ZBTB20: variants seen among roughly 807,000 people sequenced by gnomAD.
ZBTB20 encodes the protein zinc finger and BTB domain containing 20.
ZBTB20 carries 9 observed loss-of-function variants against 56.9 expected under a neutral mutation model. That is an observed-to-expected ratio of 0.16 (90% CI 0.10 to 0.28). The LOEUF (loss-of-function observed/expected upper bound fraction) is 0.28. ZBTB20 is among the 10% of genes least tolerant of loss of function. The pLI, the probability that ZBTB20 is intolerant of heterozygous loss-of-function variation, is 1.00. For missense variants in ZBTB20, 655 were observed against 1,003.0 expected, an observed-to-expected ratio of 0.65 and a Z score of 4.69; for synonymous variants, 417 against 420.7, an observed-to-expected ratio of 0.99 and a Z score of 0.11.
At chr3:114,890,013 T>C (rs1225382168) in intron 4 of ZBTB20, among the ~76,000 whole-genome samples, 2 of 152,160 alleles carry the variant, frequency 1.3e-5, no homozygotes, top group Non-Finnish European at 2.9e-5. Flanking sequence ...AAACTGAGCG[T>C]AAAAGCACAC....
At chr3:114,492,748 A>G in intron 7 of ZBTB20, among the ~76,000 whole-genome samples, 1 of 152,246 alleles carries the variant, frequency 6.6e-6, no homozygotes, top group East Asian at 1.9e-4. Context: ...AAGAGATAAT[A>G]CAGAGAGATT....
chr3:114,907,264 A>C (rs2075356308), intron 3 of ZBTB20, among the ~76,000 whole-genome samples: 1 of 151,876 alleles, frequency 6.6e-6, no homozygotes, highest in African/African-American at 2.4e-5. Context: ...AGTGGCTACC[A>C]ACCCTGCAAG....
chr3:115,123,500 G>C (rs1415325228), intron 1 of ZBTB20, among the ~76,000 whole-genome samples: 1 of 152,154 alleles, frequency 6.6e-6, no homozygotes, highest in Non-Finnish European at 1.5e-5. Context: ...CTGTCAAAAA[G>C]TGTTTCTTTA....
chr3:114,551,727 T>C (rs2050604140), intron 6 of ZBTB20, among the ~76,000 whole-genome samples: 1 of 152,214 alleles, frequency 6.6e-6, no homozygotes, highest in African/African-American at 2.4e-5. Context: ...TTATCATATG[T>C]TCAATATGAA....
chr3:115,144,347 C>T (rs1477924260), intron 1 of ZBTB20, among the ~76,000 whole-genome samples: 2 of 152,070 alleles, frequency 1.3e-5, no homozygotes, highest in East Asian at 3.9e-4. Flanking sequence ...AGCCTTTTTA[C>T]TAGAAAGTCC....
At chr3:114,680,159 T>C (rs1305881077) in intron 6 of ZBTB20, among the ~76,000 whole-genome samples, 1 of 152,020 alleles carries the variant, frequency 6.6e-6, no homozygotes. Flanking sequence ...AGGGGAGGGA[T>C]AGCATTAGGA....
At chr3:114,384,267 C>T (rs2084805999) in intron 8 of ZBTB20, among the ~76,000 whole-genome samples, 1 of 151,692 alleles carries the variant, frequency 6.6e-6, no homozygotes, top group South Asian at 2.1e-4. Flanking sequence ...GTTAGACAAG[C>T]CAACAACAAC....
chr3:115,145,072 T>G (rs1052314032), intron 1 of ZBTB20, among the ~76,000 whole-genome samples: 1 of 152,210 alleles, frequency 6.6e-6, no homozygotes, highest in African/African-American at 2.4e-5. Context: ...AACCCCAATC[T>G]TGAAAATTAA....
chr3:114,763,783 C>G (rs2068599509), intron 5 of ZBTB20, among the ~76,000 whole-genome samples: 1 of 151,978 alleles, frequency 6.6e-6, no homozygotes, highest in African/African-American at 2.4e-5. Flanking sequence ...AATGCATACA[C>G]AGATCAAAAT....
intron 7 of ZBTB20, among the ~76,000 whole-genome samples, chr3:114,397,580 T>A (rs1400543141): frequency 1.3e-5 from 2 of 152,092 alleles, no homozygotes; most frequent in African/African-American, 2.4e-5. Flanking sequence ...CATACCTTTT[T>A]TTTTTTTGTC....
intron 7 of ZBTB20, among the ~76,000 whole-genome samples, chr3:114,432,447 A>C (rs762264504): frequency 5.3e-5 from 8 of 152,214 alleles, no homozygotes; most frequent in Non-Finnish European, 8.8e-5. Context: ...CAGAATGGCA[A>C]TTGCTCATCC....
At chr3:114,758,541 G>A (rs1232332152) in intron 5 of ZBTB20, among the ~76,000 whole-genome samples, 4 of 152,050 alleles carry the variant, frequency 2.6e-5, no homozygotes, top group African/African-American at 9.7e-5. Flanking sequence ...ACTGTATGAC[G>A]TGTCATAATC....
rs560878030 is a variant in ZBTB20 at position 114,572,554 on chromosome 3, C to T, written c.-294-72163G>A. 2.6e-5 allele frequency among the ~76,000 whole-genome samples: 4 copies of T among 152,298 alleles called. No individual in the cohort carries two copies. In the East Asian group the frequency reaches 5.8e-4, roughly 22 times the overall value. On this transcript the variant is annotated intron_variant, in intron 6 of 11. Transcript: ENST00000675478. ...ACAAATGGTTCTGGGTTAACTTATA[C>T]AGTCAGTGGAGGCCTGAGGGAGAGA...
chr3:114,350,127 T>G (rs1272712027), intron 11 of ZBTB20, 147 bp downstream of exon 11: 4 of 1,152,760 alleles, frequency 3.5e-6, no homozygotes, highest in Admixed American at 2.6e-5. Flanking sequence ...AGGAACACAG[T>G]TGGGGTTTCT....
chr3:114,980,837 A>C (rs1261118509), intron 2 of ZBTB20, among the ~76,000 whole-genome samples: 2 of 152,030 alleles, frequency 1.3e-5, no homozygotes, highest in African/African-American at 4.8e-5. Context: ...TGCTTGATGC[A>C]AGTAACCATT....
At chr3:114,499,222 C>T (rs1363948410) in intron 7 of ZBTB20, among the ~76,000 whole-genome samples, 1 of 152,142 alleles carries the variant, frequency 6.6e-6, no homozygotes, top group Admixed American at 6.5e-5. Context: ...TGTATAAATG[C>T]ATTACACACA....
At chr3:114,971,926 C>A (rs2077900086) in intron 3 of ZBTB20, among the ~76,000 whole-genome samples, 1 of 152,168 alleles carries the variant, frequency 6.6e-6, no homozygotes, top group Non-Finnish European at 1.5e-5. Context: ...CCAGGAAAGA[C>A]ACAAAAACAA....
intron 7 of ZBTB20, among the ~76,000 whole-genome samples, chr3:114,464,303 C>A (rs1008428363): frequency 3.9e-5 from 6 of 152,026 alleles, no homozygotes; most frequent in African/African-American, 1.4e-4. Flanking sequence ...CTTATTTTTC[C>A]TGTGTGACAC....
At chr3:114,504,423 G>A (rs182855453) in intron 6 of ZBTB20, among the ~76,000 whole-genome samples, 2 of 152,284 alleles carry the variant, frequency 1.3e-5, no homozygotes, top group Non-Finnish European at 2.9e-5. Context: ...AAAATAAATA[G>A]TAAATACATG....
Sources: gnomAD v4.1 joint callset for allele counts (sites outside exome capture counted in the v4.1 genomes callset) on GRCh38, gnomAD v4.1.1 for gene constraint, MANE v1.5 for transcripts, NCBI Gene and HGNC (gene_info 2026-07-23, HGNC 2026-07-21) for gene names.